Variants in COL3A1 observed in about 807,000 individuals in gnomAD.
COL3A1 encodes the protein collagen alpha-1(III) chain.
A neutral mutation model predicts 200.9 loss-of-function variants in COL3A1; 46 were observed. That is an observed-to-expected ratio of 0.23 (90% CI 0.18 to 0.29). The LOEUF is 0.29. COL3A1 is among the 10% of genes least tolerant of loss of function. The probability of loss-of-function intolerance (pLI) is 1.00; values close to 1 mark genes in which losing one functional copy is unlikely to be tolerated. For missense variants in COL3A1, 1,367 were observed against 1,917.6 expected, an observed-to-expected ratio of 0.71 and a Z score of 5.36; for synonymous variants, 650 against 628.0, an observed-to-expected ratio of 1.03 and a Z score of -0.52.
intron 36 of COL3A1, 82 bp downstream of exon 36, chr2:189,003,144 T>TCC (rs1688507115): frequency 8.7e-7 from 1 of 1,144,292 alleles, no homozygotes; most frequent in East Asian, 2.6e-5. Flanking sequence ...CCTCTCTCTC[T>TCC]CCCTCTCCCC....
chr2:189,004,949 A>G (rs1227419731), intron 40 of COL3A1, among the ~76,000 whole-genome samples: 3 of 152,192 alleles, frequency 2.0e-5, no homozygotes, highest in Non-Finnish European at 2.9e-5. Flanking sequence ...AGTGTGTTCA[A>G]TTGATATGAT....
intron 27 of COL3A1, 41 bp from the exon 28 acceptor site, chr2:188,998,225 T>TTTTCTATAA: frequency 6.4e-7 from 1 of 1,565,862 alleles, no homozygotes. Flanking sequence ...CTATAAGCCA[T>TTTTCTATAA]GTTTGAGGTA....
At chr2:188,999,660 A>G in intron 31 of COL3A1, 83 bp downstream of exon 31, 1 of 1,460,866 alleles carries the variant, frequency 6.8e-7, no homozygotes, top group South Asian at 1.2e-5. Flanking sequence ...AAAGTAATCG[A>G]CTGTATTTTC....
chr2:188,984,520 T>C (rs1688022945), intron 1 of COL3A1, among the ~76,000 whole-genome samples: 1 of 152,030 alleles, frequency 6.6e-6, no homozygotes, highest in Non-Finnish European at 1.5e-5. Flanking sequence ...TATCTGCTGG[T>C]CTTAAGGAAA....
At chr2:189,005,327 GT>G in intron 40 of COL3A1, 22 bp from the exon 41 acceptor site, 1 of 1,589,224 alleles carries the variant, frequency 6.3e-7, no homozygotes, top group Admixed American at 1.7e-5. Flanking sequence ...GAAACAAAAT[GT>G]TTTTCATTCC....
chr2:188,994,354 C>A lies in COL3A1; in HGVS notation c.1293+22C>A, dbSNP rs182159384. ...TGCAGTAAGTTGCCTTGTTTTTTCT[C>A]TGTTGACTGAAAGGTATAGTTTAAT... On this transcript the variant is annotated intron_variant, in intron 18 of 50. Transcript: ENST00000304636. The surrounding 1 kb of genome is among the most constrained non-coding windows in gnomAD (Gnocchi z 4.5). 1.4e-5 allele frequency: 22 copies of A among 1,612,496 alleles called. No homozygotes were observed. The South Asian group carries it at 2.3e-4, about 17-fold the overall frequency.
At chr2:188,995,513 A>C (rs1206730406) in intron 21 of COL3A1, 179 bp from the exon 22 acceptor site, 1 of 585,066 alleles carries the variant, frequency 1.7e-6, no homozygotes, top group African/African-American at 1.9e-5. Flanking sequence ...AGTTGCTTTA[A>C]AATTTTTTCA....
chr2:188,999,734 T>G (rs1229972985), intron 31 of COL3A1, 108 bp from the exon 32 acceptor site: 2 of 1,369,488 alleles, frequency 1.5e-6, no homozygotes, highest in East Asian at 4.9e-5. Flanking sequence ...CAACAATGAA[T>G]TAGAACACCC....
Position 189,009,092 on chromosome 2 carries a change from G to A in COL3A1, c.3694G>A (p.Asp1232Asn), listed in dbSNP as rs147663769. The A allele has an allele frequency of 2.8e-5, 46 of 1,614,132 alleles. No individual in the cohort carries two copies. The African/African-American group carries it at 3.3e-4, about 12-fold the overall frequency. Residue 1232 changes from aspartate (D) to asparagine (N), a missense_variant, in exon 48 of 51, where the codon GAT (aspartate) becomes AAT (asparagine). Physicochemically the swap from Asp to Asn is conservative, Grantham distance 23 (BLOSUM62 1). Transcript: ENST00000304636. The part of the protein sequence containing the change: ...DEPMDFKINT[D>N]EIMTSLKSVN... The stretch of plus-strand genomic sequence containing the variant: ...ACCAATGGATTTCAAAATCAACACC[G>A]ATGAGATTATGACTTCACTCAAGTC...
At chr2:188,985,545 A>G (rs1213758871) in intron 3 of COL3A1, 120 bp from the exon 4 acceptor site, 1 of 717,278 alleles carries the variant, frequency 1.4e-6, no homozygotes, top group Non-Finnish European at 2.3e-6. Flanking sequence ...TATGTGTTAT[A>G]AAGAAAATAT....
At chr2:189,000,669 A>G (rs1688436591) in intron 32 of COL3A1, among the ~76,000 whole-genome samples, 1 of 152,204 alleles carries the variant, frequency 6.6e-6, no homozygotes, top group Non-Finnish European at 1.5e-5. Context: ...GATGGTATCA[A>G]TGTCAATTTC....
Position 188,991,671 on chromosome 2 carries a change from T to G in COL3A1, c.900T>G (p.Gly300=). 1 of 1,613,974 alleles carries G rather than the reference T, an allele frequency of 6.2e-7. No homozygotes were observed. The highest frequency in any genetic ancestry group is 8.5e-7 in the Non-Finnish European group (1 of 1,179,910). ...CATATTTCAATTTTACTCTGTAGGG[T>G]CCAAGAGGGGCTCCTGGTGAGCGAG... ...PGENGAPGPM[G]PRGAPGERGR... Residue 300 remains glycine (G), a splice_region_variant and synonymous_variant, in exon 13 of 51, where the codon GGT becomes GGG. Coordinates refer to ENST00000304636, the MANE Select transcript of COL3A1 (RefSeq NM_000090.4).
Position 188,984,938 on chromosome 2 carries a change from A to G in COL3A1, c.258A>G (p.Ala86=). 6.2e-7 allele frequency: 1 copy of G among 1,613,078 alleles called. No homozygotes were observed. Among genetic ancestry groups the G allele is most frequent in the Non-Finnish European group, 8.5e-7 (1 of 1,179,384 alleles). The change falls in exon 2 of 51, where the codon GCA becomes GCG. Residue 86 remains alanine, a synonymous_variant. Coordinates refer to ENST00000304636, the MANE Select transcript of COL3A1 (RefSeq NM_000090.4). ...AAATTCCATTTGGAGAATGTTGTGC[A>G]GTTTGCCCACAGCCTCCAACTGCTG... ...NPEIPFGECC[A]VCPQPPTAPT...
intron 4 of COL3A1, 92 bp downstream of exon 4, chr2:188,985,870 T>A (rs1374983115): frequency 1.2e-6 from 1 of 849,216 alleles, no homozygotes; most frequent in Non-Finnish European, 2.0e-6. Context: ...CTATTATGAG[T>A]TCTTTGTATC....
chr2:188,998,178 T>A (rs1688371527), intron 27 of COL3A1, 88 bp from the exon 28 acceptor site: 6 of 1,252,552 alleles, frequency 4.8e-6, no homozygotes, highest in African/African-American at 3.0e-5. Context: ...TTTTTTTTAA[T>A]ATCTTGCAGA....
At chr2:188,996,945 C>T (rs369655806) in intron 24 of COL3A1, among the ~76,000 whole-genome samples, 11 of 151,948 alleles carry the variant, frequency 7.2e-5, no homozygotes, top group African/African-American at 2.4e-4. Flanking sequence ...GCCAAGATTG[C>T]GCCACTGCAC....
At chr2:188,993,515 CATAG>C in intron 16 of COL3A1, 56 bp downstream of exon 16, 4 of 1,349,316 alleles carry the variant, frequency 3.0e-6, no homozygotes, top group Non-Finnish European at 3.1e-6. Flanking sequence ...TCCATGAAAG[CATAG>C]TTTCATGCTT....
intron 28 of COL3A1, 35 bp downstream of exon 28, chr2:188,998,354 A>G (rs773387414): frequency 6.4e-7 from 1 of 1,570,754 alleles, no homozygotes; most frequent in African/African-American, 1.3e-5. Context: ...ACTCAGAAAC[A>G]AAAAGAATAC....
In COL3A1 at chr2:188,985,907, A is replaced by G. The variant is rs1688056281; in HGVS notation, c.447+129A>G. On this transcript the variant is annotated intron_variant, in intron 4 of 50. Coordinates refer to ENST00000304636, the MANE Select transcript of COL3A1 (RefSeq NM_000090.4). ...GTTCTCTGATTCAGTGTATTTAATA[A>G]ATCCTTATTTAGTGCTTCTATGTAT... The G allele has an allele frequency of 1.7e-5, 12 of 712,250 alleles. No individual in the cohort carries two copies. The South Asian group carries it at 1.9e-4, about 12-fold the overall frequency. 44.1% of individuals were successfully genotyped at this position (712,250 alleles called of 1,614,324 possible).
Sources: gnomAD v4.1 joint callset for allele counts (sites outside exome capture counted in the v4.1 genomes callset) on GRCh38, gnomAD v4.1.1 for gene constraint, Gnocchi (gnomAD v3.1) non-coding constraint, MANE v1.5 for transcripts, NCBI Gene and HGNC (gene_info 2026-07-23, HGNC 2026-07-21) for gene names.